The following MAU2 variants were observed in gnomAD, a reference collection of about 807,000 sequenced individuals.
The protein encoded by MAU2 is MAU2 sister chromatid cohesion factor.
A neutral mutation model predicts 89.1 loss-of-function variants in MAU2; 9 were observed. That is an observed-to-expected ratio of 0.10 (90% CI 0.06 to 0.18). The LOEUF (loss-of-function observed/expected upper bound fraction) is 0.18, where lower values mean the gene tolerates loss of function less well. MAU2 is among the 10% of genes least tolerant of loss of function. The pLI is 1.00. For missense variants in MAU2, 425 were observed against 803.5 expected (o/e 0.53, Z 5.69); for synonymous variants, 357 against 343.4 (o/e 1.04, Z -0.44).
intron 1 of MAU2, among the ~76,000 whole-genome samples, chr19:19,326,705 T>TATATATATATATATATATAC: frequency 2.4e-5 from 1 of 41,358 alleles, no homozygotes; most frequent in Non-Finnish European, 7.2e-5. Flanking sequence ...TATATATGTA[T>TATATATATATATATATATAC]ATATATATAT....
At chr19:19,347,240 A>G (rs1254028823) in intron 12 of MAU2, 40 bp from the exon 13 acceptor site, 2 of 1,370,480 alleles carry the variant, frequency 1.5e-6, no homozygotes, top group Non-Finnish European at 2.1e-6. Flanking sequence ...GGGTCACAGC[A>G]CCCGACCCAG....
intron 1 of MAU2, among the ~76,000 whole-genome samples, chr19:19,329,651 T>G (rs2061538876): frequency 6.6e-6 from 1 of 151,786 alleles, no homozygotes; most frequent in Non-Finnish European, 1.5e-5. Flanking sequence ...ATCCCAGAGG[T>G]GTTGCAAGCA....
rs927335318 is a variant in MAU2, at chr19:19,345,660, C to T, written c.1221+291C>T. On this transcript the variant is annotated intron_variant, in intron 12 of 18. Transcript: ENST00000262815. The surrounding 1 kb of genome is among the most constrained non-coding windows in gnomAD (Gnocchi z 4.9). Reference sequence around the variant, plus strand: ...TTTCATGCCTGAGTGGGAACTTTTGCGGCACCCACCCCCAAGGCTGGATTG... The same window carrying T: ...TTTCATGCCTGAGTGGGAACTTTTGTGGCACCCACCCCCAAGGCTGGATTG... 5.3e-5 allele frequency among the ~76,000 whole-genome samples: 8 copies of T among 152,154 alleles called. No individual in the cohort carries two copies. Among genetic ancestry groups the T allele is most frequent in the Admixed American group, 3.9e-4 (6 of 15,282 alleles).
Position 19,321,203 on chromosome 19 carries a change from G to T in MAU2, c.276+68G>T. ...TGCAAGATCTGGGCTGACGGGTCGC[G>T]ACCGCGGCGGGTGGGGGGCCGCTCC... On this transcript the variant is annotated intron_variant, in intron 1 of 18. Transcript: ENST00000262815. The T allele has an allele frequency of 2.1e-6, 3 of 1,421,788 alleles. No individual in the cohort carries two copies. In the South Asian group the frequency reaches 4.5e-5, roughly 21 times the overall value. The allele number at this position is 1,421,788 out of a possible 1,614,324, so 88.1% of individuals were successfully genotyped here.
chr19:19,342,056 G>A (rs901957753), intron 7 of MAU2, among the ~76,000 whole-genome samples: 11 of 152,140 alleles, frequency 7.2e-5, no homozygotes, highest in African/African-American at 2.4e-4. Flanking sequence ...TGCACTCGGC[G>A]CATAGGGACA....
At chr19:19,343,743 G>A (rs2061671572) in intron 9 of MAU2, 94 bp from the exon 10 acceptor site, 9 of 867,208 alleles carry the variant, frequency 1.0e-5, no homozygotes, top group Middle Eastern at 4.8e-4. Context: ...TAGCCAGTGT[G>A]GCAGGAGACA....
At position 19,323,232 on chromosome 19, in the gene MAU2, G is replaced by GCCACC. The variant is rs1354794336; in HGVS notation, c.276+2097_276+2098insCCACC. Among the ~76,000 whole-genome samples the GCCACC allele has an allele frequency of 7.9e-5, 10 of 126,938 alleles. No homozygotes were observed. The Admixed American group carries it at 8.4e-4, about 11-fold the overall frequency. The allele number at this position is 126,938 out of a possible 152,430, so 83.3% of individuals were successfully genotyped here. On this transcript the variant is annotated intron_variant, in intron 1 of 18. Transcript: ENST00000262815. ...TTTTTTTGAGACAGATTCTCGCTTT[G>GCCACC]TCACCAGGCTGGAGTGCAGTGGCGC...
intron 1 of MAU2, among the ~76,000 whole-genome samples, chr19:19,335,404 G>A (rs2061588194): frequency 6.6e-6 from 1 of 152,178 alleles, no homozygotes; most frequent in Non-Finnish European, 1.5e-5. Flanking sequence ...TCACCTCTGA[G>A]CTCTGTTCCT....
At position 19,326,724 on chromosome 19, in the gene MAU2, A is replaced by G. The variant is rs868010685; in HGVS notation, c.276+5589A>G. Among the ~76,000 whole-genome samples, 109 of 129,710 alleles carry G rather than the reference A, an allele frequency of 8.4e-4. 6 individuals are homozygous for G. The highest frequency in any genetic ancestry group is 2.4e-3 in the African/African-American group (85 of 36,038). 85.1% of individuals were successfully genotyped at this position (129,710 alleles called of 152,430 possible). A position where few individuals can be genotyped will look rare whatever the true frequency, so the allele number is the denominator to read the frequency against. ...TATGTATATATATATATATATACAT[A>G]TATATATATATACACAAAAATTAAC... On this transcript the variant is annotated intron_variant, in intron 1 of 18. Coordinates refer to ENST00000262815, the MANE Select transcript of MAU2 (RefSeq NM_015329.4).
intron 1 of MAU2, among the ~76,000 whole-genome samples, chr19:19,328,255 T>C (rs757447189): frequency 6.6e-6 from 1 of 152,114 alleles, no homozygotes; most frequent in Non-Finnish European, 1.5e-5. Flanking sequence ...CTCTCTCTTC[T>C]TGCTGTACAC....
chr19:19,327,144 T>G (rs1485010441), intron 1 of MAU2, among the ~76,000 whole-genome samples: 1 of 140,760 alleles, frequency 7.1e-6, no homozygotes, highest in Non-Finnish European at 1.5e-5. Flanking sequence ...TTTTTTTAGA[T>G]GGACTCTCAC....
At position 19,342,757 on chromosome 19, in the gene MAU2, T is replaced by G. The variant is rs756012002; in HGVS notation, c.883-19T>G. 5 of 1,613,922 alleles carry G rather than the reference T, an allele frequency of 3.1e-6. No individual in the cohort carries two copies. Among genetic ancestry groups the G allele is most frequent in the East Asian group, 2.2e-5 (1 of 44,882 alleles). On this transcript the variant is annotated intron_variant, in intron 8 of 18. Coordinates refer to ENST00000262815, the MANE Select transcript of MAU2 (RefSeq NM_015329.4). ...GGGAGAGGGCCCTGGTAACCCCTGCTGTCTGGTCTTGTCGCTAGGTGACTG... is the reference window on the plus strand; with the variant it reads ...GGGAGAGGGCCCTGGTAACCCCTGCGGTCTGGTCTTGTCGCTAGGTGACTG...
intron 12 of MAU2, 29 bp from the exon 13 acceptor site, chr19:19,347,251 C>T (rs1234857057): frequency 6.6e-7 from 1 of 1,520,294 alleles, no homozygotes; most frequent in Admixed American, 1.7e-5. Flanking sequence ...CCCGACCCAG[C>T]CCCCTAATGT....
chr19:19,349,066 C>T, intron 14 of MAU2, 89 bp from the exon 15 acceptor site: 1 of 1,557,104 alleles, frequency 6.4e-7, no homozygotes, highest in Non-Finnish European at 8.8e-7. Flanking sequence ...AGTGGGGGCT[C>T]TCAGAAATAG....
At chr19:19,326,324 G>A (rs749030567) in intron 1 of MAU2, among the ~76,000 whole-genome samples, 2 of 151,942 alleles carry the variant, frequency 1.3e-5, no homozygotes, top group Non-Finnish European at 2.9e-5. Flanking sequence ...AGGCCAAAGT[G>A]GGCAGATTGC....
At chr19:19,335,166 G>A (rs904560282) in intron 1 of MAU2, among the ~76,000 whole-genome samples, 6 of 152,164 alleles carry the variant, frequency 3.9e-5, no homozygotes, top group Non-Finnish European at 7.3e-5. Context: ...GCCTGTGTCA[G>A]CCCTTCCTGG....
chr19:19,354,065 G>C lies in MAU2; in HGVS notation c.1549-290G>C, dbSNP rs770338611. On this transcript the variant is annotated intron_variant, in intron 16 of 18. Coordinates refer to ENST00000262815, the MANE Select transcript of MAU2 (RefSeq NM_015329.4). ...GTGGGTCTAGGGCTAACGGCCATCA[G>C]TGCTTTTTCTCTGCTTGAACAGGTA... 4.1e-4 allele frequency: 193 copies of C among 472,404 alleles called. 1 individual carries two copies. The highest frequency in any genetic ancestry group is 8.6e-4 in the South Asian group (40 of 46,422). The allele number at this position is 472,404 out of a possible 1,614,324, so 29.3% of individuals were successfully genotyped here. A position where few individuals can be genotyped will look rare whatever the true frequency, so the allele number is the denominator to read the frequency against.
chr19:19,337,151 C>T lies in MAU2; in HGVS notation c.361-19C>T, dbSNP rs1262965128. On this transcript the variant is annotated intron_variant, in intron 3 of 18. Transcript: ENST00000262815. ...TTTTTTTTTTTCTTACATTCCCAAA[C>T]GTGACTATTTCCTTTCAGAATTCCG... 10 of 1,545,048 alleles carry T rather than the reference C, an allele frequency of 6.5e-6. No individual in the cohort carries two copies. Among genetic ancestry groups the T allele is most frequent in the South Asian group, 1.1e-5 (1 of 88,736 alleles).
intron 12 of MAU2, chr19:19,347,021 G>A: frequency 2.1e-6 from 1 of 475,782 alleles, no homozygotes; most frequent in Non-Finnish European, 3.8e-6. Context: ...AACCCGACAT[G>A]TTCTGAGGGT....
Sources: allele counts gnomAD v4.1 joint callset (sites outside exome capture counted in the v4.1 genomes callset), GRCh38; gene constraint gnomAD v4.1.1; non-coding constraint Gnocchi (gnomAD v3.1); transcripts MANE v1.5; gene names NCBI Gene and HGNC (gene_info 2026-07-23, HGNC 2026-07-21).